CSMD1: variants seen among roughly 807,000 people sequenced by gnomAD.
CSMD1 encodes CUB and sushi domain-containing protein 1.
Under a neutral mutation model 417.5 loss-of-function variants are expected in CSMD1, and 213 were observed. The ratio of observed to expected loss-of-function variants is 0.51; its 90% CI spans 0.46 to 0.57. CSMD1 has a LOEUF of 0.57. Ranked by LOEUF, CSMD1 falls within the 20% of genes least tolerant of loss-of-function variation. CSMD1 has a pLI of 0.00. For synonymous variants in CSMD1, 2,862 were observed against 1,736.8 expected, an observed-to-expected ratio of 1.65 and a Z score of -16.11; for missense variants, 6,923 against 4,529.7, an observed-to-expected ratio of 1.53 and a Z score of -15.17.
At chr8:3,495,357 G>A (rs979072106) in intron 10 of CSMD1, among the ~76,000 whole-genome samples, 8 of 152,180 alleles carry the variant, frequency 5.3e-5, no homozygotes, top group Non-Finnish European at 1.2e-4. Context: ...GGGAAGCGAT[G>A]ATAATTCATT....
At chr8:3,037,364 C>T (rs1810759197) in intron 50 of CSMD1, among the ~76,000 whole-genome samples, 1 of 131,248 alleles carries the variant, frequency 7.6e-6, no homozygotes, top group Non-Finnish European at 1.7e-5. Context: ...CGCCACCAAG[C>T]CCAGCTAATT....
At chr8:3,176,684 G>A (rs1035747216) in intron 37 of CSMD1, among the ~76,000 whole-genome samples, 2 of 152,124 alleles carry the variant, frequency 1.3e-5, no homozygotes, top group Non-Finnish European at 2.9e-5. Context: ...AAATACTGAA[G>A]TATAAAATGA....
At chr8:3,444,790 A>G (rs2117076677) in intron 12 of CSMD1, among the ~76,000 whole-genome samples, 1 of 152,366 alleles carries the variant, frequency 6.6e-6, no homozygotes, top group South Asian at 2.1e-4. Context: ...CTTTGCCACC[A>G]GACAACCAAA....
At chr8:3,665,551 A>C (rs879475522) in intron 7 of CSMD1, among the ~76,000 whole-genome samples, 11 of 152,078 alleles carry the variant, frequency 7.2e-5, no homozygotes, top group African/African-American at 1.7e-4. Context: ...ATTTGTCAGG[A>C]AAATAATTAG....
At chr8:4,113,078 G>C (rs1486242716) in intron 3 of CSMD1, among the ~76,000 whole-genome samples, 5 of 152,154 alleles carry the variant, frequency 3.3e-5, no homozygotes, top group Non-Finnish European at 2.9e-5. Flanking sequence ...CCCCATGTAA[G>C]ACAGTGAACT....
intron 10 of CSMD1, among the ~76,000 whole-genome samples, chr8:3,522,329 G>A (rs558867381): frequency 1.3e-5 from 2 of 152,262 alleles, no homozygotes; most frequent in East Asian, 3.9e-4. Context: ...AAATTGTAAA[G>A]GATATCTTTT....
At chr8:4,560,062 G>A (rs1299603317) in intron 2 of CSMD1, among the ~76,000 whole-genome samples, 2 of 152,192 alleles carry the variant, frequency 1.3e-5, no homozygotes, top group Admixed American at 6.5e-5. Context: ...TGGGGTCCTC[G>A]ACTGCATATC....
chr8:3,605,337 T>C (rs1186771337), intron 8 of CSMD1, among the ~76,000 whole-genome samples: 5 of 152,206 alleles, frequency 3.3e-5, no homozygotes, highest in Non-Finnish European at 7.3e-5. Flanking sequence ...CCCTGGTTTC[T>C]ACACAGTCCA....
chr8:3,273,753 G>A (rs900425551), intron 26 of CSMD1, among the ~76,000 whole-genome samples: 12 of 151,582 alleles, frequency 7.9e-5, no homozygotes, highest in Non-Finnish European at 1.3e-4. Flanking sequence ...ATGGCAGTTC[G>A]TATTTCTGTG....
chr8:3,937,457 C>T (rs1409727664), intron 5 of CSMD1, among the ~76,000 whole-genome samples: 1 of 152,112 alleles, frequency 6.6e-6, no homozygotes. Context: ...GATCATCCAT[C>T]AACATTGACG....
At chr8:4,072,106 G>C (rs897939449) in intron 3 of CSMD1, among the ~76,000 whole-genome samples, 1 of 152,192 alleles carries the variant, frequency 6.6e-6, no homozygotes, top group Non-Finnish European at 1.5e-5. Context: ...AAAAATGGAT[G>C]ATTCGCTATA....
chr8:4,035,738 A>C (rs1385619511), intron 3 of CSMD1, among the ~76,000 whole-genome samples: 2 of 152,248 alleles, frequency 1.3e-5, no homozygotes, highest in South Asian at 2.1e-4. Flanking sequence ...CAAATGCTTA[A>C]AAATGAAAAA....
At chr8:3,993,907 G>A (rs981350672) in intron 5 of CSMD1, among the ~76,000 whole-genome samples, 1 of 152,152 alleles carries the variant, frequency 6.6e-6, no homozygotes, top group African/African-American at 2.4e-5. Flanking sequence ...CGATTTCCAC[G>A]TGGAAACGTG....
At chr8:3,811,581 A>G (rs561996539) in intron 5 of CSMD1, among the ~76,000 whole-genome samples, 7 of 152,288 alleles carry the variant, frequency 4.6e-5, no homozygotes, top group South Asian at 2.1e-4. Flanking sequence ...GGTCAAGGCC[A>G]TCATGGGACA....
intron 49 of CSMD1, among the ~76,000 whole-genome samples, chr8:3,079,172 C>T (rs1443889618): frequency 6.6e-6 from 1 of 152,152 alleles, no homozygotes; most frequent in Admixed American, 6.5e-5. Flanking sequence ...TAGATTTAAG[C>T]AAGGGCAACT....
intron 3 of CSMD1, among the ~76,000 whole-genome samples, chr8:4,050,051 C>T (rs1488028936): frequency 2.6e-5 from 4 of 152,034 alleles, no homozygotes; most frequent in Non-Finnish European, 5.9e-5. Context: ...GTGGAATGTC[C>T]CTCCTGTGGA....
chr8:4,321,378 G>C (rs967662330), intron 3 of CSMD1, among the ~76,000 whole-genome samples: 17 of 152,050 alleles, frequency 1.1e-4, no homozygotes, highest in Admixed American at 3.9e-4. Flanking sequence ...CATAAGAACG[G>C]AGCAATCAGA....
intron 41 of CSMD1, among the ~76,000 whole-genome samples, chr8:3,123,434 G>T (rs999028438): frequency 1.3e-5 from 2 of 152,154 alleles, no homozygotes; most frequent in Non-Finnish European, 2.9e-5. Context: ...TCACAAAAAA[G>T]AATGAATAAT....
rs540799441 is a variant in CSMD1, at chr8:4,145,545, T to C, written c.416-113446A>G. Among the ~76,000 whole-genome samples, 13 of 151,074 alleles carry C rather than the reference T, an allele frequency of 8.6e-5. No individual in the cohort carries two copies. The South Asian group carries it at 2.7e-3, about 31-fold the overall frequency. ...TCTTGAATCCCATTCAGAATTTCTT[T>C]ATTATTACATTGTTATTATTTTTTG... On this transcript the variant is annotated intron_variant, in intron 3 of 69. Coordinates refer to ENST00000635120, the MANE Select transcript of CSMD1 (RefSeq NM_033225.6).
Sources: gnomAD v4.1 joint callset for allele counts (sites outside exome capture counted in the v4.1 genomes callset) on GRCh38, gnomAD v4.1.1 for gene constraint, MANE v1.5 for transcripts, NCBI Gene and HGNC (gene_info 2026-07-23, HGNC 2026-07-21) for gene names.